Variants in PUM1 observed in about 807,000 individuals in gnomAD.
The protein encoded by PUM1 is pumilio RNA binding family member 1, also known as pumilio homolog 1.
Under a neutral mutation model 131.8 loss-of-function variants are expected in PUM1, and 13 were observed. That is an observed-to-expected ratio of 0.10 (90% CI 0.06 to 0.16). PUM1 has a LOEUF of 0.16. Ranked by LOEUF, PUM1 falls within the 10% of genes least tolerant of loss-of-function variation. PUM1 has a pLI of 1.00. For synonymous variants in PUM1, 509 were observed against 556.5 expected (o/e 0.91, Z 1.20); for missense variants, 961 against 1,512.4 (o/e 0.64, Z 6.05).
chr1:31,017,944 T>C (rs1341088507), intron 3 of PUM1, among the ~76,000 whole-genome samples: 1 of 152,218 alleles, frequency 6.6e-6, no homozygotes, highest in Admixed American at 6.5e-5. Context: ...GAGGCCAATG[T>C]AGTAATCCAG....
At chr1:31,026,389 T>A (rs1268956972) in intron 3 of PUM1, among the ~76,000 whole-genome samples, 1 of 152,222 alleles carries the variant, frequency 6.6e-6, no homozygotes, top group Non-Finnish European at 1.5e-5. Context: ...AGATGCTTTT[T>A]AAGGAATATC....
intron 2 of PUM1, among the ~76,000 whole-genome samples, chr1:31,038,268 A>G (rs145705661): frequency 6.6e-6 from 1 of 151,990 alleles, no homozygotes; most frequent in African/African-American, 2.4e-5. Context: ...GCATGCCTAC[A>G]GTGTTAGTCT....
chr1:30,973,797 A>G (rs1641026073), intron 10 of PUM1, among the ~76,000 whole-genome samples: 2 of 152,190 alleles, frequency 1.3e-5, no homozygotes, highest in South Asian at 4.1e-4. Context: ...CTATCAATAA[A>G]GAGGTGTTAT....
At chr1:31,011,164 T>TACACACACAA (rs1553150340) in intron 3 of PUM1, among the ~76,000 whole-genome samples, 6 of 143,080 alleles carry the variant, frequency 4.2e-5, no homozygotes, top group Admixed American at 1.4e-4. Flanking sequence ...TCTCTTAAAA[T>TACACACACAA]ACACACACAC....
chr1:31,032,135 T>C (rs1294794470), intron 2 of PUM1, among the ~76,000 whole-genome samples: 5 of 152,220 alleles, frequency 3.3e-5, no homozygotes, highest in African/African-American at 1.2e-4. Context: ...GTTGACTACA[T>C]GAGATAAACC....
At chr1:31,014,301 C>CAAAAAAAA (rs745510280) in intron 3 of PUM1, among the ~76,000 whole-genome samples, 1 of 76,088 alleles carries the variant, frequency 1.3e-5, no homozygotes, top group Non-Finnish European at 2.4e-5. Context: ...ATCCAGTCTC[C>CAAAAAAAA]AAAAAAAAAA....
chr1:31,020,934 T>G (rs1642998165), intron 3 of PUM1, among the ~76,000 whole-genome samples: 1 of 152,148 alleles, frequency 6.6e-6, no homozygotes, highest in African/African-American at 2.4e-5. Flanking sequence ...CAAGAAGGAA[T>G]TACACACAAC....
intron 2 of PUM1, among the ~76,000 whole-genome samples, chr1:31,052,015 C>A (rs1423279397): frequency 6.7e-6 from 1 of 150,040 alleles, no homozygotes; most frequent in Non-Finnish European, 1.5e-5. Context: ...AAATAAGTAA[C>A]TTTTTTTTTT....
intron 4 of PUM1, among the ~76,000 whole-genome samples, chr1:31,006,566 G>C (rs963897395): frequency 1.3e-5 from 2 of 152,182 alleles, no homozygotes; most frequent in African/African-American, 4.8e-5. Flanking sequence ...TAGTATGCCA[G>C]AAGAATGTCC....
chr1:30,969,337 GAA>G (rs1179276877), intron 10 of PUM1, among the ~76,000 whole-genome samples: 2 of 115,324 alleles, frequency 1.7e-5, no homozygotes, highest in Admixed American at 1.7e-4. Flanking sequence ...AAAAAAAAAA[GAA>G]AAAAAAAGAG....
intron 9 of PUM1, among the ~76,000 whole-genome samples, chr1:30,977,718 T>A (rs1198584112): frequency 6.6e-6 from 1 of 152,204 alleles, no homozygotes; most frequent in Non-Finnish European, 1.5e-5. Context: ...AACAAGATTC[T>A]GATCACCGAA....
At chr1:31,027,892 G>A (rs971840885) in intron 3 of PUM1, among the ~76,000 whole-genome samples, 4 of 152,108 alleles carry the variant, frequency 2.6e-5, no homozygotes, top group Admixed American at 2.0e-4. Flanking sequence ...TCCCTCTTGT[G>A]AAATATTAAA....
intron 9 of PUM1, among the ~76,000 whole-genome samples, chr1:30,975,740 T>C (rs1293678396): frequency 6.6e-6 from 1 of 151,912 alleles, no homozygotes; most frequent in Admixed American, 6.6e-5. Context: ...TAAGTCAACG[T>C]TGAACACAAA....
chr1:30,933,399 T>A (rs1345570103), intron 21 of PUM1, 57 bp from the exon 22 acceptor site: 2 of 1,539,566 alleles, frequency 1.3e-6, no homozygotes, highest in East Asian at 4.7e-5. Context: ...GGGGGCAGGC[T>A]TCCCGGACAT....
chr1:31,016,021 G>A (rs913288180), intron 3 of PUM1, among the ~76,000 whole-genome samples: 1 of 152,158 alleles, frequency 6.6e-6, no homozygotes, highest in Non-Finnish European at 1.5e-5. Flanking sequence ...ATTTTAAGAA[G>A]AGAGCTCATG....
chr1:31,045,223 G>A (rs905313294), intron 2 of PUM1, among the ~76,000 whole-genome samples: 19 of 151,254 alleles, frequency 1.3e-4, no homozygotes, highest in African/African-American at 2.7e-4. Context: ...CCTCCGCCCC[G>A]ACAGGGTTCA....
At chr1:31,021,040 T>C (rs1467773138) in intron 3 of PUM1, among the ~76,000 whole-genome samples, 1 of 152,212 alleles carries the variant, frequency 6.6e-6, no homozygotes, top group Non-Finnish European at 1.5e-5. Flanking sequence ...AATGAGGATA[T>C]ATTTCCATGC....
intron 5 of PUM1, 138 bp from the exon 6 acceptor site, chr1:30,995,358 A>G (rs2124490526): frequency 1.1e-6 from 1 of 903,302 alleles, no homozygotes; most frequent in African/African-American, 1.7e-5. Context: ...AATCTAATTA[A>G]CAAACAACAC....
At chr1:30,942,191 T>TTC in intron 18 of PUM1, 68 bp from the exon 19 acceptor site, 1 of 143,402 alleles carries the variant, frequency 7.0e-6, no homozygotes, top group East Asian at 1.5e-4. Context: ...TCAGTATTGT[T>TTC]TATATATATA....
Sources: gnomAD v4.1 joint callset for allele counts (sites outside exome capture counted in the v4.1 genomes callset) on GRCh38, gnomAD v4.1.1 for gene constraint, MANE v1.5 for transcripts, NCBI Gene and HGNC (gene_info 2026-07-23, HGNC 2026-07-21) for gene names.